Variants in ZNF679 observed in about 807,000 individuals in gnomAD.
ZNF679 encodes the protein zinc finger protein 679.
A neutral mutation model predicts 13.4 loss-of-function variants in ZNF679; 10 were observed. The ratio of observed to expected loss-of-function variants is 0.75; its 90% confidence interval spans 0.46 to 1.27. The LOEUF (loss-of-function observed/expected upper bound fraction) is 1.27. ZNF679 is among the 50% of genes most tolerant of loss of function. ZNF679 has a pLI of 0.00. For missense variants in ZNF679, 525 were observed against 477.8 expected (o/e 1.10, Z -0.92); for synonymous variants, 179 against 162.5 (o/e 1.10, Z -0.77).
intron 1 of ZNF679, among the ~76,000 whole-genome samples, chr7:64,234,640 G>T (rs1787684522): frequency 6.6e-6 from 1 of 152,162 alleles, no homozygotes; most frequent in Non-Finnish European, 1.5e-5. Context: ...TCAGCGTTGT[G>T]AAAACCAAAG....
intron 2 of ZNF679, among the ~76,000 whole-genome samples, chr7:64,259,766 A>G (rs1273784536): frequency 6.6e-6 from 1 of 152,010 alleles, no homozygotes. Context: ...CATCTCTACT[A>G]AAAATACAAA....
intron 2 of ZNF679, among the ~76,000 whole-genome samples, chr7:64,251,907 T>G (rs1787948874): frequency 6.6e-6 from 1 of 152,228 alleles, no homozygotes; most frequent in Non-Finnish European, 1.5e-5. Context: ...ACATTAGAAT[T>G]GTCTTTACCC....
chr7:64,237,426 T>A (rs892556935), intron 1 of ZNF679, among the ~76,000 whole-genome samples: 2 of 152,116 alleles, frequency 1.3e-5, no homozygotes, highest in African/African-American at 4.8e-5. Context: ...TCCTTTGAGT[T>A]CTCAGTTCCC....
intron 1 of ZNF679, among the ~76,000 whole-genome samples, chr7:64,231,327 T>G (rs371738312): frequency 5.1e-4 from 78 of 152,256 alleles, no homozygotes; most frequent in African/African-American, 1.4e-3. Flanking sequence ...CACATCACCT[T>G]AGTGCTAGGC....
rs1333938041 is a variant in ZNF679, at chr7:64,247,569, C to T, written c.-90-1459C>T. 4.3e-5 allele frequency among the ~76,000 whole-genome samples: 6 copies of T among 139,078 alleles called. No homozygotes were observed. The East Asian group carries it at 1.5e-3, about 34-fold the overall frequency. The allele number at this position is 139,078 out of a possible 152,430, so 91.2% of individuals were successfully genotyped here. A position where few individuals can be genotyped will look rare whatever the true frequency, so the allele number is the denominator to read the frequency against. The stretch of plus-strand genomic sequence containing the variant: ...CACTTGTTATTCCACCTGTTTCTTT[C>T]TTATTTTGAGACAGTCGCTCTGTCA... On this transcript the variant is annotated intron_variant, in intron 1 of 4. Transcript: ENST00000421025.
intron 1 of ZNF679, among the ~76,000 whole-genome samples, chr7:64,241,990 A>G (rs931773962): frequency 3.9e-5 from 6 of 152,232 alleles, no homozygotes; most frequent in Admixed American, 6.5e-5. Context: ...ATGACAGTCA[A>G]CATATCTTGG....
rs1198627045 is a variant in ZNF679 at position 64,266,917 on chromosome 7, T to A, written c.*48T>A. Reference sequence around the variant, plus strand: ...ACCTTATAATACATAAAATAATTTATACTTGAAAAAATCACTACAAGTGTA... The same window carrying A: ...ACCTTATAATACATAAAATAATTTAAACTTGAAAAAATCACTACAAGTGTA... On this transcript the variant is annotated 3_prime_UTR_variant, in exon 5 of 5. Transcript: ENST00000421025. 6.8e-7 allele frequency: 1 copy of A among 1,462,522 alleles called. No homozygotes were observed. Among genetic ancestry groups the A allele is most frequent in the Non-Finnish European group, 9.0e-7 (1 of 1,108,496 alleles). 90.6% of individuals were successfully genotyped at this position (1,462,522 alleles called of 1,614,324 possible). A position where few individuals can be genotyped will look rare whatever the true frequency, so the allele number is the denominator to read the frequency against.
rs763722193 is a variant in ZNF679, at chr7:64,266,113, A to G, written c.480A>G (p.Lys160=). The G allele has an allele frequency of 9.9e-6, 16 of 1,611,724 alleles. No homozygotes were observed. The highest frequency in any genetic ancestry group is 1.3e-5 in the Non-Finnish European group (15 of 1,178,690). Residue 160 remains lysine, a synonymous_variant, in exon 5 of 5, where the codon AAA becomes AAG. Transcript: ENST00000421025. ...AAAACAAAATATTTCAGACTCATAAATGTGTCAAAGTCTTCGGCAAATTTT... is the reference window on the plus strand; with the variant it reads ...AAAACAAAATATTTCAGACTCATAAGTGTGTCAAAGTCTTCGGCAAATTTT... ...TTQNKIFQTH[K]CVKVFGKFSN... is the part of the protein sequence containing the mutation.
Position 64,245,421 on chromosome 7 carries a change from A to AAGAGAG in ZNF679, c.-90-3590_-90-3585dup, listed in dbSNP as rs372896063. Among the ~76,000 whole-genome samples the AAGAGAG allele has an allele frequency of 6.3e-3, 516 of 81,360 alleles. 4 individuals are homozygous for AAGAGAG. The highest frequency in any genetic ancestry group is 0.012 in the African/African-American group (161 of 13,010). The allele number at this position is 81,360 out of a possible 152,430, so 53.4% of individuals were successfully genotyped here. A position where few individuals can be genotyped will look rare whatever the true frequency, so the allele number is the denominator to read the frequency against. ...AAAAGATAGGAAAGGGAGAGAGAGA[A>AAGAGAG]AGAGAGAGAGAGAGAGAGAGAGGGA... is the stretch of plus-strand genomic sequence containing the variant. On this transcript the variant is annotated intron_variant, in intron 1 of 4. Coordinates refer to ENST00000421025, the MANE Select transcript of ZNF679 (RefSeq NM_153363.3).
At position 64,259,963 on chromosome 7, in the gene ZNF679, A is replaced by G. The variant is rs192292383; in HGVS notation, c.40-258A>G. Among the ~76,000 whole-genome samples the G allele has an allele frequency of 2.9e-3, 437 of 152,206 alleles. 6 individuals are homozygous for G. Among genetic ancestry groups the G allele is most frequent in the African/African-American group, 9.9e-3 (413 of 41,550 alleles). ...AAAAAAAGAAAAAAGAAAAGAAAAA[A>G]ATAGACATGTGCATATTGATGCCCT... On this transcript the variant is annotated intron_variant, in intron 2 of 4. Coordinates refer to ENST00000421025, the MANE Select transcript of ZNF679 (RefSeq NM_153363.3).
chr7:64,266,188 A>G lies in ZNF679; in HGVS notation c.555A>G (p.Lys185=), dbSNP rs1584240228. ...KTRHTGKKHF[K]CKKYGKSFCM... is the part of the protein sequence containing the mutation. ...GACATACTGGAAAGAAACATTTCAA[A>G]TGTAAAAAATATGGCAAATCATTTT... The change falls in exon 5 of 5, where the codon AAA becomes AAG. Residue 185 remains lysine, a synonymous_variant. Transcript: ENST00000421025. The G allele has an allele frequency of 6.3e-7, 1 of 1,590,244 alleles. No homozygotes were observed. The highest frequency in any genetic ancestry group is 1.3e-5 in the African/African-American group (1 of 74,300).
Position 64,266,177 on chromosome 7 carries a change from A to C in ZNF679, c.544A>C (p.Lys182Gln), listed in dbSNP as rs1438525356. ...ACATAAGACAAGACATACTGGAAAG[A>C]AACATTTCAAATGTAAAAAATATGG... The part of the protein sequence containing the change: ...NRHKTRHTGK[K>Q]HFKCKKYGKS... The change falls in exon 5 of 5, where the codon AAA (lysine) becomes CAA (glutamine). Residue 182 changes from lysine (K) to glutamine (Q), a missense_variant. Lys to Gln is a moderately conservative substitution (Grantham distance 53). Coordinates refer to ENST00000421025, the MANE Select transcript of ZNF679 (RefSeq NM_153363.3). The C allele has an allele frequency of 6.3e-7, 1 of 1,594,722 alleles. No individual in the cohort carries two copies.
Position 64,266,544 on chromosome 7 carries a change from C to G in ZNF679, c.911C>G (p.Ala304Gly), listed in dbSNP as rs755312136. 13 of 1,612,274 alleles carry G rather than the reference C, an allele frequency of 8.1e-6. No individual in the cohort carries two copies. In the East Asian group the frequency reaches 2.9e-4, roughly 36 times the overall value. Residue 304 changes from alanine to glycine, a missense_variant, in exon 5 of 5, where the codon GCC (alanine) becomes GGC (glycine). By Grantham distance (60) the Ala-to-Gly change is moderately conservative (BLOSUM62 0). Coordinates refer to ENST00000421025, the MANE Select transcript of ZNF679 (RefSeq NM_153363.3). The stretch of plus-strand genomic sequence containing the variant: ...TACACATGTGAAGAATGTGGCAAAG[C>G]CTTTAGCTTATCCTCATCCCTCACT... Reference protein sequence around the residue: ...KPYTCEECGKAFSLSSSLTYH... With the variant: ...KPYTCEECGKGFSLSSSLTYH...
chr7:64,256,310 A>G (rs1212401473), intron 2 of ZNF679, among the ~76,000 whole-genome samples: 3 of 152,150 alleles, frequency 2.0e-5, no homozygotes, highest in South Asian at 4.1e-4. Flanking sequence ...TCTTTATCCA[A>G]TCTACCATTG....
At chr7:64,265,818 A>G (rs1263787463) in intron 4 of ZNF679, 78 bp from the exon 5 acceptor site, 1 of 1,480,894 alleles carries the variant, frequency 6.8e-7, no homozygotes, top group Admixed American at 2.6e-5. Flanking sequence ...ACCTTGTATA[A>G]TTTTATATAT....
At position 64,260,307 on chromosome 7, in the gene ZNF679, A is replaced by G; in HGVS notation, c.126A>G (p.Arg42=). 6.2e-7 allele frequency: 1 copy of G among 1,612,782 alleles called. No individual in the cohort carries two copies. The highest frequency in any genetic ancestry group is 1.3e-5 in the African/African-American group (1 of 74,934). ...CLDHAQQNLY[R]DVMLENYRNL... is the part of the protein sequence containing the mutation. The stretch of plus-strand genomic sequence containing the variant: ...ATCACGCTCAGCAGAATTTATATAG[A>G]GATGTGATGTTAGAGAACTACAGAA... The change falls in exon 3 of 5, where the codon AGA becomes AGG. Residue 42 remains arginine (R), a synonymous_variant. Transcript: ENST00000421025.
intron 1 of ZNF679, among the ~76,000 whole-genome samples, chr7:64,236,836 A>G (rs1029201512): frequency 6.6e-6 from 1 of 150,928 alleles, no homozygotes; most frequent in African/African-American, 2.4e-5. Context: ...GAAGGAAAAA[A>G]GGAGAGAAAG....
intron 1 of ZNF679, among the ~76,000 whole-genome samples, chr7:64,232,673 G>A (rs1015212020): frequency 6.6e-6 from 1 of 152,124 alleles, no homozygotes; most frequent in African/African-American, 2.4e-5. Context: ...CATATTATTT[G>A]GGTGCTGGGC....
chr7:64,249,743 G>C (rs1193826207), intron 2 of ZNF679, among the ~76,000 whole-genome samples: 2 of 152,216 alleles, frequency 1.3e-5, no homozygotes, highest in Non-Finnish European at 2.9e-5. Flanking sequence ...TTATTTGTAA[G>C]ATCCAGGTGA....
Sources: gnomAD v4.1 joint callset for allele counts (sites outside exome capture counted in the v4.1 genomes callset) on GRCh38, gnomAD v4.1.1 for gene constraint, MANE v1.5 for transcripts, NCBI Gene and HGNC (gene_info 2026-07-23, HGNC 2026-07-21) for gene names.